The following ANGPT1 variants were observed in gnomAD, a reference collection of about 807,000 sequenced individuals.
ANGPT1 encodes the protein angiopoietin-1.
Under a neutral mutation model 62.2 loss-of-function variants are expected in ANGPT1, and 17 were observed. The observed-to-expected ratio is 0.27, with a 90% CI of 0.19 to 0.41. ANGPT1 has a LOEUF of 0.41. Among genes scored for constraint, ANGPT1 ranks in the 10% least tolerant of loss-of-function variants. ANGPT1 has a pLI of 1.00. For missense variants in ANGPT1, 478 were observed against 594.9 expected, an observed-to-expected ratio of 0.80 and a Z score of 2.04; for synonymous variants, 199 against 198.9, an observed-to-expected ratio of 1.00 and a Z score of 0.00.
intron 3 of ANGPT1, among the ~76,000 whole-genome samples, chr8:107,324,177 G>A (rs867814720): frequency 1.6e-5 from 2 of 121,974 alleles, no homozygotes; most frequent in Non-Finnish European, 3.3e-5. Flanking sequence ...ATATATATAT[G>A]TGTGTGTGTG....
chr8:107,453,129 A>C (rs1388385786), intron 1 of ANGPT1, among the ~76,000 whole-genome samples: 1 of 152,040 alleles, frequency 6.6e-6, no homozygotes, highest in Non-Finnish European at 1.5e-5. Flanking sequence ...ATTCTCACAC[A>C]ATGCTAACAT....
At chr8:107,315,924 T>G (rs1487692124) in intron 4 of ANGPT1, among the ~76,000 whole-genome samples, 1 of 152,164 alleles carries the variant, frequency 6.6e-6, no homozygotes, top group South Asian at 2.1e-4. Context: ...TGAGGACAAA[T>G]CATTGTTCTC....
chr8:107,497,524 G>T lies in ANGPT1; in HGVS notation c.35C>A (p.Ala12Asp). ...TVFLSFAFLA[A>D]ILTHIGCSNQ... ...GCTGCACCCTATGTGAGTCAGAATG[G>T]CAGCGAGGAAAGCAAAGGAAAGGAA... Residue 12 changes from alanine (A) to aspartate (D), a missense_variant, in exon 1 of 9, where the codon GCC becomes GAC. Ala to Asp is a moderately radical substitution (Grantham distance 126). Around this residue, in one of 4 missense-constraint regions of ANGPT1, gnomAD observed 343 missense variants for 355.4 expected, o/e 0.97. Transcript: ENST00000517746. 6.2e-7 allele frequency: 1 copy of T among 1,614,050 alleles called. No individual in the cohort carries two copies. The highest frequency in any genetic ancestry group is 8.5e-7 in the Non-Finnish European group (1 of 1,179,984).
chr8:107,336,322 C>A lies in ANGPT1; in HGVS notation c.454-51G>T, dbSNP rs41420246. On this transcript the variant is annotated intron_variant, in intron 2 of 8. Transcript: ENST00000517746. ...CAAACTTCAGTCACGAATCAAAGAACTTTTTTAAGTTTTATTTTGTCGTTA... is the reference window on the plus strand; with the variant it reads ...CAAACTTCAGTCACGAATCAAAGAAATTTTTTAAGTTTTATTTTGTCGTTA... The A allele has an allele frequency of 1.5e-3, 2,304 of 1,543,460 alleles. 35 individuals are homozygous for A. The African/African-American group carries it at 0.029, about 19-fold the overall frequency.
intron 1 of ANGPT1, among the ~76,000 whole-genome samples, chr8:107,416,718 C>T (rs1034884920): frequency 6.6e-6 from 1 of 152,054 alleles, no homozygotes; most frequent in African/African-American, 2.4e-5. Flanking sequence ...CTCTATGCAG[C>T]ATTCCTTCCT....
chr8:107,435,609 T>C (rs896366968), intron 1 of ANGPT1, among the ~76,000 whole-genome samples: 5 of 152,180 alleles, frequency 3.3e-5, no homozygotes, highest in Non-Finnish European at 5.9e-5. Context: ...ATTTTCTTAC[T>C]CCTACAGAGC....
At chr8:107,259,193 G>A (rs951251461) in intron 8 of ANGPT1, among the ~76,000 whole-genome samples, 5 of 152,128 alleles carry the variant, frequency 3.3e-5, no homozygotes, top group African/African-American at 1.2e-4. Flanking sequence ...CCTTGAAACA[G>A]AGAATTTTAG....
chr8:107,338,424 C>T (rs1815620570), intron 2 of ANGPT1, among the ~76,000 whole-genome samples: 1 of 152,232 alleles, frequency 6.6e-6, no homozygotes, highest in Non-Finnish European at 1.5e-5. Flanking sequence ...TTGCCTCACC[C>T]TACAGTCCTA....
At chr8:107,355,831 C>G (rs1017180669) in intron 1 of ANGPT1, among the ~76,000 whole-genome samples, 1 of 152,076 alleles carries the variant, frequency 6.6e-6, no homozygotes, top group Non-Finnish European at 1.5e-5. Flanking sequence ...ACCACCCTTC[C>G]TTTCTACTTC....
rs75087258 is a variant in ANGPT1 at position 107,491,412 on chromosome 8, T to C, written c.297+5850A>G. Among the ~76,000 whole-genome samples the C allele has an allele frequency of 5.3e-3, 813 of 152,272 alleles. 10 individuals carry two copies. Among genetic ancestry groups the C allele is most frequent in the African/African-American group, 0.018 (744 of 41,552 alleles). ...ACAGACAATAAGTAACACAGCATTA[T>C]GCAGTAGCAAGTACCATGAAGAAAT... On this transcript the variant is annotated intron_variant, in intron 1 of 8. Coordinates refer to ENST00000517746, the MANE Select transcript of ANGPT1 (RefSeq NM_001146.5).
At chr8:107,394,676 C>A (rs1038804027) in intron 1 of ANGPT1, among the ~76,000 whole-genome samples, 1 of 152,132 alleles carries the variant, frequency 6.6e-6, no homozygotes, top group Non-Finnish European at 1.5e-5. Context: ...CGCTATTTAT[C>A]CACATATCCT....
chr8:107,285,019 C>T (rs1401168357), intron 6 of ANGPT1, among the ~76,000 whole-genome samples, 171 bp from the exon 7 acceptor site: 1 of 152,048 alleles, frequency 6.6e-6, no homozygotes, highest in Non-Finnish European at 1.5e-5. Flanking sequence ...TTCTGTGTCT[C>T]TTCATCAAAG....
rs1053038807 is a variant in ANGPT1, at chr8:107,482,502, G to A, written c.297+14760C>T. ...ACAACACCATGGCCTTGGGGTATAT[G>A]GACTTCTAACACAGTAGCTCAGGGC... On this transcript the variant is annotated intron_variant, in intron 1 of 8. Coordinates refer to ENST00000517746, the MANE Select transcript of ANGPT1 (RefSeq NM_001146.5). 1.3e-5 allele frequency among the ~76,000 whole-genome samples: 2 copies of A among 152,144 alleles called. 1 individual carries two copies. The highest frequency in any genetic ancestry group is 2.9e-5 in the Non-Finnish European group (2 of 68,026).
intron 1 of ANGPT1, among the ~76,000 whole-genome samples, chr8:107,430,342 G>C (rs1286172303): frequency 4.6e-5 from 7 of 152,148 alleles, no homozygotes. Flanking sequence ...CTCGGGCTAA[G>C]TACTCACAAT....
intron 7 of ANGPT1, among the ~76,000 whole-genome samples, chr8:107,272,314 G>C (rs1001342293): frequency 6.6e-6 from 1 of 152,016 alleles, no homozygotes. Flanking sequence ...AAAATCTTTA[G>C]AAAATTGAGT....
chr8:107,387,663 A>C (rs1816756938), intron 1 of ANGPT1, among the ~76,000 whole-genome samples: 1 of 152,000 alleles, frequency 6.6e-6, no homozygotes, highest in South Asian at 2.1e-4. Flanking sequence ...AATCTTGAGC[A>C]AGGATAAACC....
chr8:107,477,848 T>C (rs1171180136), intron 1 of ANGPT1, among the ~76,000 whole-genome samples: 1 of 152,176 alleles, frequency 6.6e-6, no homozygotes, highest in South Asian at 2.1e-4. Context: ...ACCCAATTTC[T>C]TTCTCTGTAA....
chr8:107,256,632 A>T (rs992366615), intron 8 of ANGPT1, among the ~76,000 whole-genome samples: 4 of 152,190 alleles, frequency 2.6e-5, no homozygotes, highest in African/African-American at 9.6e-5. Context: ...TGAATTATAT[A>T]TTCTGTGCAA....
At chr8:107,491,652 A>C (rs148857044) in intron 1 of ANGPT1, among the ~76,000 whole-genome samples, 94 of 152,276 alleles carry the variant, frequency 6.2e-4, no homozygotes, top group African/African-American at 2.1e-3. Flanking sequence ...AGAAATAACA[A>C]GAAGGCCAAT....
Sources: allele counts gnomAD v4.1 joint callset (sites outside exome capture counted in the v4.1 genomes callset), GRCh38; gene constraint gnomAD v4.1.1; regional missense constraint gnomAD v4.1.1; transcripts MANE v1.5; gene names NCBI Gene and HGNC (gene_info 2026-07-23, HGNC 2026-07-21).